GPHN: variants seen among roughly 807,000 people sequenced by gnomAD.
GPHN encodes gephyrin.
Under a neutral mutation model 95.5 loss-of-function variants are expected in GPHN, and 17 were observed. That is an observed-to-expected ratio of 0.18 (90% CI 0.12 to 0.27). The LOEUF is 0.27. GPHN is among the 10% of genes least tolerant of loss of function. GPHN has a pLI of 1.00. For synonymous variants in GPHN, 320 were observed against 322.5 expected, an observed-to-expected ratio of 0.99 and a Z score of 0.08; for missense variants, 660 against 978.1, an observed-to-expected ratio of 0.67 and a Z score of 4.34.
chr14:67,345,783 T>C, the GPHN span: 1 of 1,613,448 alleles, frequency 6.2e-7, no homozygotes. Flanking sequence ...GAGAAGCTAG[T>C]TCCACCAGTA....
the GPHN span, among the ~76,000 whole-genome samples, chr14:67,328,167 C>T: frequency 4.1e-4 from 62 of 152,274 alleles, no homozygotes; most frequent in Non-Finnish European, 6.6e-4. Context: ...TTTTAATGAT[C>T]GCCATTCTAA....
At chr14:67,192,473 G>A in the GPHN span, among the ~76,000 whole-genome samples, 2 of 151,566 alleles carry the variant, frequency 1.3e-5, no homozygotes, top group Non-Finnish European at 2.9e-5. Flanking sequence ...TGGATCAGAG[G>A]GTGGGGTCTG....
At chr14:67,726,801 T>C in the GPHN span, among the ~76,000 whole-genome samples, 1 of 152,220 alleles carries the variant, frequency 6.6e-6, no homozygotes, top group African/African-American at 2.4e-5. Flanking sequence ...AGTCTAGCTC[T>C]GGCTCTTGCT....
chr14:67,026,647 GTTTT>G (rs2073940168), intron 10 of GPHN, among the ~76,000 whole-genome samples: 1 of 151,842 alleles, frequency 6.6e-6, no homozygotes, highest in Non-Finnish European at 1.5e-5. Flanking sequence ...TTGTTTGTTT[GTTTT>G]GTTTTGTTTT....
At chr14:67,609,903 CT>C in the GPHN span, among the ~76,000 whole-genome samples, 5,478 of 151,840 alleles carry the variant, frequency 0.036, 267 homozygotes, top group African/African-American at 0.11. Context: ...CTGCACAAGG[CT>C]CCTGTCCTGG....
At chr14:66,597,970 G>A (rs1202457266) in intron 1 of GPHN, among the ~76,000 whole-genome samples, 2 of 152,168 alleles carry the variant, frequency 1.3e-5, no homozygotes, top group African/African-American at 4.8e-5. Context: ...AGGAAATCCT[G>A]TCATTCTCAA....
chr14:67,344,230 G>A, the GPHN span, among the ~76,000 whole-genome samples: 1 of 152,200 alleles, frequency 6.6e-6, no homozygotes, highest in Non-Finnish European at 1.5e-5. Context: ...TGGGTATGAG[G>A]AGTCCTCCCT....
intron 1 of GPHN, among the ~76,000 whole-genome samples, chr14:66,577,671 T>C (rs966370962): frequency 2.0e-5 from 3 of 152,162 alleles, no homozygotes; most frequent in African/African-American, 7.2e-5. Flanking sequence ...TTCTGATAAG[T>C]CTCTTCTAAA....
chr14:67,072,296 A>G (rs2076341346), intron 11 of GPHN, among the ~76,000 whole-genome samples: 1 of 152,152 alleles, frequency 6.6e-6, no homozygotes, highest in Admixed American at 6.6e-5. Context: ...ATCCCTGTCT[A>G]TTCCTAATGT....
chr14:67,001,782 G>A (rs74056549), intron 9 of GPHN, among the ~76,000 whole-genome samples: 2,901 of 151,786 alleles, frequency 0.019, 108 homozygotes, highest in African/African-American at 0.066. Flanking sequence ...TAAGAAATGT[G>A]AAGCAGCTCA....
chr14:67,392,586 GC>G, the GPHN span: 2 of 1,373,836 alleles, frequency 1.5e-6, no homozygotes, highest in Non-Finnish European at 2.0e-6. Flanking sequence ...CATGACTGTG[GC>G]CCCCAGGCCC....
rs1278486808 is a variant in GPHN at position 66,689,219 on chromosome 14, A to T, written c.143+8034A>T. 2.0e-5 allele frequency among the ~76,000 whole-genome samples: 3 copies of T among 152,144 alleles called. No individual in the cohort carries two copies. In the East Asian group the frequency reaches 5.8e-4, roughly 29 times the overall value. On this transcript the variant is annotated intron_variant, in intron 2 of 22. Transcript: ENST00000478722. ...TTGTGTTGAAGTACATTCCTTCTGT[A>T]TCTAACTTGGTGAGAGTTTTTATCA...
At position 66,889,632 on chromosome 14, in the gene GPHN, G is replaced by A. The variant is rs546297409; in HGVS notation, c.389+9599G>A. On this transcript the variant is annotated intron_variant, in intron 5 of 22. Coordinates refer to ENST00000478722, the MANE Select transcript of GPHN (RefSeq NM_020806.5). ...CAGAAAAAGCAGCACTGATATTGCT[G>A]TAAGCATTTAAAAAATAATTACATT... Among the ~76,000 whole-genome samples, 45 of 152,142 alleles carry A rather than the reference G, an allele frequency of 3.0e-4. 2 individuals carry two copies. The South Asian group carries it at 9.3e-3, about 32-fold the overall frequency.
In GPHN at chr14:66,561,930, AGCTCATG is replaced by A. The variant is rs143589021; in HGVS notation, c.64+53342_64+53348del. On this transcript the variant is annotated intron_variant, in intron 1 of 22. Coordinates refer to ENST00000478722, the MANE Select transcript of GPHN (RefSeq NM_020806.5). ...CTTCTAGAGGCTGCCTGCATACCTT[AGCTCATG>A]GCCTCTTTTCTTCCTTCTTCAAAGC... 9.6e-3 allele frequency among the ~76,000 whole-genome samples: 1,454 copies of A among 152,154 alleles called. 20 individuals are homozygous for A. Among genetic ancestry groups the A allele is most frequent in the African/African-American group, 0.032 (1,346 of 41,530 alleles).
chr14:66,778,726 C>CTTTTTTTT (rs759940498), intron 3 of GPHN, among the ~76,000 whole-genome samples: 1 of 59,374 alleles, frequency 1.7e-5, no homozygotes, highest in Non-Finnish European at 3.0e-5. Flanking sequence ...ACTCAAGGGG[C>CTTTTTTTT]TTTTTTTTTT....
intron 1 of GPHN, among the ~76,000 whole-genome samples, chr14:66,566,522 G>C (rs1202483178): frequency 1.3e-5 from 2 of 150,938 alleles, no homozygotes; most frequent in African/African-American, 4.9e-5. Flanking sequence ...ATTTTTTGTA[G>C]TCTGAGTTGT....
the GPHN span, chr14:67,729,768 C>A: frequency 2.0e-6 from 1 of 503,880 alleles, no homozygotes; most frequent in East Asian, 5.4e-5. Flanking sequence ...GGGGAACGTC[C>A]TCTCTCTTCG....
intron 8 of GPHN, 58 bp from the exon 9 acceptor site, chr14:66,965,133 A>C: frequency 1.4e-6 from 2 of 1,455,280 alleles, no homozygotes; most frequent in South Asian, 2.3e-5. Context: ...GGGGGTCTTG[A>C]TTCTACATGT....
chr14:67,192,014 A>G, the GPHN span, among the ~76,000 whole-genome samples: 1 of 152,242 alleles, frequency 6.6e-6, no homozygotes, highest in Non-Finnish European at 1.5e-5. Context: ...GGTTAAAAGA[A>G]GTAACAGAGA....
Sources: allele counts gnomAD v4.1 joint callset (sites outside exome capture counted in the v4.1 genomes callset), GRCh38; gene constraint gnomAD v4.1.1; transcripts MANE v1.5; gene names NCBI Gene and HGNC (gene_info 2026-07-23, HGNC 2026-07-21).